The following EFCAB12 variants were observed in gnomAD, a reference collection of about 807,000 sequenced individuals.
EFCAB12 encodes EF-hand calcium-binding domain-containing protein 12.
Under a neutral mutation model 53.6 loss-of-function variants are expected in EFCAB12, and 43 were observed. That is an observed-to-expected ratio of 0.80 (90% CI 0.63 to 1.03). EFCAB12 has a LOEUF of 1.03. EFCAB12 is among the 50% of genes least tolerant of loss of function. The pLI, the probability that EFCAB12 is intolerant of heterozygous loss-of-function variation, is 0.00. For missense variants in EFCAB12, 646 were observed against 730.6 expected, an observed-to-expected ratio of 0.88 and a Z score of 1.34; for synonymous variants, 269 against 289.2, an observed-to-expected ratio of 0.93 and a Z score of 0.71.
chr3:129,408,706 C>T lies in EFCAB12; in HGVS notation c.1188G>A (p.Leu396=). 6.3e-7 allele frequency: 1 copy of T among 1,588,608 alleles called. No individual in the cohort carries two copies. Among genetic ancestry groups the T allele is most frequent in the East Asian group, 2.3e-5 (1 of 43,874 alleles). ...AGGACTTACAGAGCTTCCAGCATTG[C>T]AGGTAGACCAGAAAGTTGTGCCTGC... ...SARRHNFLVY[L]QCWKLCKSYG... Residue 396 remains leucine (L), a synonymous_variant, in exon 6 of 9, where the codon CTG becomes CTA. Transcript: ENST00000505956.
chr3:129,407,492 A>T (rs2071968501), intron 6 of EFCAB12, among the ~76,000 whole-genome samples: 1 of 152,220 alleles, frequency 6.6e-6, no homozygotes, highest in South Asian at 2.1e-4. Context: ...TTTCTCAGAA[A>T]GCTACATTTC....
intron 5 of EFCAB12, among the ~76,000 whole-genome samples, chr3:129,409,907 A>C (rs1011948497): frequency 3.9e-5 from 6 of 152,240 alleles, no homozygotes; most frequent in African/African-American, 1.4e-4. Flanking sequence ...TAGTAGATAT[A>C]GCACTTAGCA....
chr3:129,416,156 C>T (rs1338637407), intron 3 of EFCAB12, among the ~76,000 whole-genome samples: 3 of 152,136 alleles, frequency 2.0e-5, no homozygotes, highest in African/African-American at 7.2e-5. Flanking sequence ...TTGTGCCTCA[C>T]GTTTGTAAAC....
intron 3 of EFCAB12, among the ~76,000 whole-genome samples, chr3:129,416,507 T>A (rs1371915676): frequency 6.6e-6 from 1 of 152,238 alleles, no homozygotes. Flanking sequence ...TTATGGAGAT[T>A]AAAGACTATT....
chr3:129,416,392 G>A (rs190534983), intron 3 of EFCAB12, among the ~76,000 whole-genome samples: 60 of 151,948 alleles, frequency 3.9e-4, no homozygotes, highest in Admixed American at 9.2e-4. Context: ...ACTGCAGCCT[G>A]GGTGACAAGA....
At chr3:129,409,077 G>C (rs2071995619) in intron 5 of EFCAB12, among the ~76,000 whole-genome samples, 3 of 152,212 alleles carry the variant, frequency 2.0e-5, no homozygotes, top group Admixed American at 6.5e-5. Context: ...CTGTAGACGG[G>C]TGTGCAGGAG....
intron 5 of EFCAB12, among the ~76,000 whole-genome samples, chr3:129,410,095 C>T (rs992728325): frequency 6.6e-6 from 1 of 151,854 alleles, no homozygotes; most frequent in Non-Finnish European, 1.5e-5. Context: ...GCAGCCTTGG[C>T]CTCCCAGGTT....
chr3:129,404,002 C>T, intron 7 of EFCAB12: 1 of 409,672 alleles, frequency 2.4e-6, no homozygotes, highest in Non-Finnish European at 4.4e-6. Context: ...TATGATTGTG[C>T]AGGACTGGGG....
rs1191801425 is a variant in EFCAB12 at position 129,401,549 on chromosome 3, G to T, written c.*44C>A. On this transcript the variant is annotated 3_prime_UTR_variant, in exon 9 of 9. Transcript: ENST00000505956. The stretch of plus-strand genomic sequence containing the variant: ...GGGCTCTGGGCCGCTGGCTGCACTG[G>T]CCCCTGGCCCAGGAAGGCTGGGTCC... The T allele has an allele frequency of 6.8e-7, 1 of 1,478,394 alleles. No individual in the cohort carries two copies. Among genetic ancestry groups the T allele is most frequent in the Non-Finnish European group, 9.0e-7 (1 of 1,107,270 alleles). The allele number at this position is 1,478,394 out of a possible 1,614,324, so 91.6% of individuals were successfully genotyped here. A position where few individuals can be genotyped will look rare whatever the true frequency, so the allele number is the denominator to read the frequency against.
intron 3 of EFCAB12, among the ~76,000 whole-genome samples, chr3:129,415,790 C>G (rs1266793499): frequency 6.6e-6 from 1 of 152,122 alleles, no homozygotes; most frequent in Admixed American, 6.5e-5. Context: ...GTGGATCATC[C>G]CTATACACAA....
chr3:129,414,998 T>A (rs989769761), intron 4 of EFCAB12: 7 of 378,328 alleles, frequency 1.9e-5, no homozygotes, highest in African/African-American at 2.1e-5. Context: ...AGTATCCTCC[T>A]CTAAGAACAA....
chr3:129,425,344 G>A (rs1409037247), intron 1 of EFCAB12, among the ~76,000 whole-genome samples: 2 of 152,002 alleles, frequency 1.3e-5, no homozygotes, highest in African/African-American at 2.4e-5. Context: ...TCCTTCTGTG[G>A]CCTACAAAGC....
At chr3:129,404,452 T>A (rs2071921034) in intron 6 of EFCAB12, 49 bp from the exon 7 acceptor site, 1 of 1,531,946 alleles carries the variant, frequency 6.5e-7, no homozygotes, top group Non-Finnish European at 8.8e-7. Context: ...AGACTGCCCA[T>A]CCCTCCCTAA....
chr3:129,424,751 A>G (rs1287682729), intron 1 of EFCAB12, among the ~76,000 whole-genome samples: 2 of 152,206 alleles, frequency 1.3e-5, no homozygotes, highest in Non-Finnish European at 2.9e-5. Context: ...TCAAATCAGT[A>G]TTTATTGAGA....
At chr3:129,419,319 C>A (rs974653640) in intron 2 of EFCAB12, among the ~76,000 whole-genome samples, 11 of 152,130 alleles carry the variant, frequency 7.2e-5, no homozygotes, top group Non-Finnish European at 1.3e-4. Context: ...GGACCACTAC[C>A]ACAGGCATCA....
At chr3:129,404,096 C>A in intron 7 of EFCAB12, 154 bp downstream of exon 7, 1 of 988,638 alleles carries the variant, frequency 1.0e-6, no homozygotes, top group Non-Finnish European at 1.5e-6. Context: ...ACTGGCCAGT[C>A]TGCAGTGAGC....
intron 1 of EFCAB12, among the ~76,000 whole-genome samples, chr3:129,423,296 G>A (rs2072212071): frequency 1.3e-5 from 2 of 152,158 alleles, no homozygotes; most frequent in African/African-American, 2.4e-5. Context: ...AAGTTGTTAT[G>A]AAGATCAAAT....
At chr3:129,424,766 C>T (rs1484158707) in intron 1 of EFCAB12, among the ~76,000 whole-genome samples, 2 of 152,162 alleles carry the variant, frequency 1.3e-5, no homozygotes, top group Admixed American at 1.3e-4. Context: ...TTGAGAATCC[C>T]CCAGGGCTTG....
chr3:129,402,484 C>T (rs1434787579), intron 8 of EFCAB12, 39 bp downstream of exon 8: 7 of 1,599,000 alleles, frequency 4.4e-6, no homozygotes, highest in South Asian at 1.1e-5. Context: ...CCCCTCCTCC[C>T]ACCTTCCTTC....
Sources: gnomAD v4.1 joint callset for allele counts (sites outside exome capture counted in the v4.1 genomes callset) on GRCh38, gnomAD v4.1.1 for gene constraint, MANE v1.5 for transcripts, NCBI Gene and HGNC (gene_info 2026-07-23, HGNC 2026-07-21) for gene names.